Variants in PCDH9 observed in about 807,000 individuals in gnomAD.
PCDH9 encodes the protein protocadherin 9.
In PCDH9, 24 loss-of-function variants were observed where a neutral mutation model predicts 70.6. That is an observed-to-expected ratio of 0.34 (90% CI 0.25 to 0.48). The LOEUF (loss-of-function observed/expected upper bound fraction) is 0.48. PCDH9 is among the 20% of genes least tolerant of loss of function. The pLI is 0.99. For missense variants in PCDH9, 1,281 were observed against 1,503.6 expected (o/e 0.85, Z 2.45); for synonymous variants, 562 against 558.5 (o/e 1.01, Z -0.09).
intron 3 of PCDH9, among the ~76,000 whole-genome samples, chr13:66,722,683 A>G (rs951846445): frequency 3.3e-5 from 5 of 152,058 alleles, no homozygotes; most frequent in Admixed American, 1.3e-4. Context: ...TTAAACACCT[A>G]TGTGCCGGGC....
chr13:66,700,922 A>ATGT (rs1566514236), intron 3 of PCDH9, among the ~76,000 whole-genome samples: 1 of 46,962 alleles, frequency 2.1e-5, no homozygotes, highest in African/African-American at 7.7e-5. Flanking sequence ...GTGTACATAT[A>ATGT]AATATATATA....
intron 3 of PCDH9, among the ~76,000 whole-genome samples, chr13:66,860,733 C>T (rs1594165241): frequency 6.6e-6 from 1 of 152,186 alleles, no homozygotes; most frequent in African/African-American, 2.4e-5. Flanking sequence ...CTGCTAAGTA[C>T]TTTACCTGTG....
intron 4 of PCDH9, among the ~76,000 whole-genome samples, chr13:66,490,366 G>C (rs536674137): frequency 6.6e-6 from 1 of 152,074 alleles, no homozygotes; most frequent in Non-Finnish European, 1.5e-5. Flanking sequence ...CTGTTATACC[G>C]GTCGGCTTCA....
intron 3 of PCDH9, among the ~76,000 whole-genome samples, chr13:66,782,188 A>T (rs944104611): frequency 3.3e-5 from 5 of 152,150 alleles, no homozygotes; most frequent in African/African-American, 1.2e-4. Context: ...CAAGCATTTT[A>T]TTGATGAAAT....
Position 66,520,722 on chromosome 13 carries a change from A to G in PCDH9, c.3340+110488T>C, listed in dbSNP as rs1959952942. ...GTCCATAATAGAAGCACTGTGAACC[A>G]TAAATGGAGTATTTGCCTCACAGTA... On this transcript the variant is annotated intron_variant, in intron 4 of 4. Coordinates refer to ENST00000377865, the MANE Select transcript of PCDH9 (RefSeq NM_203487.3). Among the ~76,000 whole-genome samples, 3 of 152,324 alleles carry G rather than the reference A, an allele frequency of 2.0e-5. No homozygotes were observed. In the South Asian group the frequency reaches 6.2e-4, roughly 32 times the overall value.
chr13:66,415,610 G>C (rs1197738244), intron 4 of PCDH9, among the ~76,000 whole-genome samples: 1 of 152,112 alleles, frequency 6.6e-6, no homozygotes, highest in Non-Finnish European at 1.5e-5. Context: ...ATCCTTCTCT[G>C]TCTTCCTTGG....
intron 4 of PCDH9, among the ~76,000 whole-genome samples, chr13:66,581,306 G>A (rs189402854): frequency 1.1e-3 from 165 of 152,220 alleles, no homozygotes; most frequent in African/African-American, 3.9e-3. Context: ...TTCTATGGAT[G>A]AGCTAAAATA....
chr13:66,721,420 G>A (rs1027100110), intron 3 of PCDH9, among the ~76,000 whole-genome samples: 4 of 152,160 alleles, frequency 2.6e-5, no homozygotes, highest in Admixed American at 1.3e-4. Flanking sequence ...GTTTATCTTA[G>A]TTTAGTCTAG....
At position 67,226,356 on chromosome 13, in the gene PCDH9, G is replaced by A. The variant is rs1472227346; in HGVS notation, c.2085C>T (p.Ser695=). 3.1e-6 allele frequency: 5 copies of A among 1,614,012 alleles called. No homozygotes were observed. The highest frequency in any genetic ancestry group is 2.2e-5 in the East Asian group (1 of 44,892). ...KLVPLSAIPG[S]VVAEVFAVDV... The stretch of plus-strand genomic sequence containing the variant: ...CCACTGCAAAAACTTCTGCTACCAC[G>A]GAGCCAGGAATGGCTGAGAGGGGCA... The change falls in exon 2 of 5, where the codon TCC becomes TCT. Residue 695 remains serine, a synonymous_variant. Transcript: ENST00000377865. This position sits in a 1 kb window ranked among gnomAD's most constrained non-coding sequence, Gnocchi z 5.0.
chr13:66,708,976 A>G lies in PCDH9; in HGVS notation c.3139-77565T>C, dbSNP rs560998108. Among the ~76,000 whole-genome samples, 5 of 152,328 alleles carry G rather than the reference A, an allele frequency of 3.3e-5. No homozygotes were observed. The South Asian group carries it at 1.0e-3, about 32-fold the overall frequency. On this transcript the variant is annotated intron_variant, in intron 3 of 4. Transcript: ENST00000377865. ...GTTCTCTGATATATCTTTGGGAAAC[A>G]TACCATTTCCAAGTAAGCCCTCAGT...
rs796140822 is a variant in PCDH9, at chr13:67,178,959, G to A, written c.3036+46446C>T. On this transcript the variant is annotated intron_variant, in intron 2 of 4. Coordinates refer to ENST00000377865, the MANE Select transcript of PCDH9 (RefSeq NM_203487.3). ...TTACCAAAAATAAAACAATGCAAAG[G>A]CTTACTTAATTTTCCTTCCAGTTCT... Among the ~76,000 whole-genome samples the A allele has an allele frequency of 3.6e-4, 55 of 152,086 alleles. 1 individual carries two copies. Among genetic ancestry groups the A allele is most frequent in the African/African-American group, 1.3e-3 (53 of 41,530 alleles).
rs2079077644 is a variant in PCDH9 at position 66,731,347 on chromosome 13, T to C, written c.3139-99936A>G. Among the ~76,000 whole-genome samples the C allele has an allele frequency of 2.6e-5, 4 of 152,262 alleles. No individual in the cohort carries two copies. In the South Asian group the frequency reaches 8.3e-4, roughly 32 times the overall value. Reference sequence around the variant, plus strand: ...TTTGTATACAATTTTTGCATGAATATGGTTCTAATGAAAACAGAGATGGCT... The same window carrying C: ...TTTGTATACAATTTTTGCATGAATACGGTTCTAATGAAAACAGAGATGGCT... On this transcript the variant is annotated intron_variant, in intron 3 of 4. Coordinates refer to ENST00000377865, the MANE Select transcript of PCDH9 (RefSeq NM_203487.3).
intron 3 of PCDH9, among the ~76,000 whole-genome samples, chr13:66,736,805 T>C (rs2079156182): frequency 6.6e-6 from 1 of 152,200 alleles, no homozygotes; most frequent in Admixed American, 6.5e-5. Context: ...ATACACTTCC[T>C]TTACACCTAT....
At chr13:66,435,332 A>G (rs963919747) in intron 4 of PCDH9, among the ~76,000 whole-genome samples, 1 of 152,182 alleles carries the variant, frequency 6.6e-6, no homozygotes, top group Non-Finnish European at 1.5e-5. Context: ...AGGGACATTA[A>G]ATATGTCCAC....
At chr13:66,574,333 T>C (rs1286135467) in intron 4 of PCDH9, among the ~76,000 whole-genome samples, 3 of 152,124 alleles carry the variant, frequency 2.0e-5, no homozygotes, top group Non-Finnish European at 4.4e-5. Flanking sequence ...ATCTCATTTC[T>C]CTCTCTCTAT....
chr13:66,873,441 C>T (rs2081735646), intron 3 of PCDH9, among the ~76,000 whole-genome samples: 1 of 152,090 alleles, frequency 6.6e-6, no homozygotes, highest in Non-Finnish European at 1.5e-5. Flanking sequence ...ATGAGAAATG[C>T]ATTACCAAGG....
chr13:66,570,775 T>C (rs892215212), intron 4 of PCDH9, among the ~76,000 whole-genome samples: 1 of 152,156 alleles, frequency 6.6e-6, no homozygotes, highest in Non-Finnish European at 1.5e-5. Context: ...AGAATCCAAA[T>C]ATGACAGTTA....
chr13:66,698,059 A>C (rs1354487871), intron 3 of PCDH9, among the ~76,000 whole-genome samples: 8 of 152,208 alleles, frequency 5.3e-5, no homozygotes, highest in Admixed American at 2.0e-4. Context: ...CACTAATATC[A>C]GTACCTAGGG....
intron 4 of PCDH9, among the ~76,000 whole-genome samples, chr13:66,318,014 T>C (rs555236104): frequency 6.6e-6 from 1 of 152,260 alleles, no homozygotes; most frequent in African/African-American, 2.4e-5. Context: ...AAGGGAACTG[T>C]TGAAAATGCC....
Sources: gnomAD v4.1 joint callset for allele counts (sites outside exome capture counted in the v4.1 genomes callset) on GRCh38, gnomAD v4.1.1 for gene constraint, Gnocchi (gnomAD v3.1) non-coding constraint, MANE v1.5 for transcripts, NCBI Gene and HGNC (gene_info 2026-07-23, HGNC 2026-07-21) for gene names.